ZNF385D: variants seen among roughly 807,000 people sequenced by gnomAD.
The protein encoded by ZNF385D is zinc finger protein 385D, also known as zinc finger protein 659.
ZNF385D carries 15 observed loss-of-function variants against 35.8 expected under a neutral mutation model. The observed-to-expected ratio is 0.42, with a 90% CI of 0.28 to 0.64. The LOEUF (loss-of-function observed/expected upper bound fraction) is 0.64. ZNF385D is among the 30% of genes least tolerant of loss of function. The pLI is 0.23. For missense variants in ZNF385D, 474 were observed against 494.6 expected (o/e 0.96, Z 0.39); for synonymous variants, 212 against 186.8 (o/e 1.13, Z -1.10).
intron 3 of ZNF385D, among the ~76,000 whole-genome samples, chr3:21,757,593 G>A (rs1259077880): frequency 6.6e-6 from 1 of 152,134 alleles, no homozygotes; most frequent in Non-Finnish European, 1.5e-5. Context: ...AAAAATAGTT[G>A]TTGAGTACTC....
At chr3:21,896,570 T>C (rs1203801434) in intron 3 of ZNF385D, among the ~76,000 whole-genome samples, 1 of 152,130 alleles carries the variant, frequency 6.6e-6, no homozygotes, top group African/African-American at 2.4e-5. Flanking sequence ...GGGCAGCACG[T>C]CCCTCGAACC....
At chr3:21,954,579 T>C (rs1684495) in intron 3 of ZNF385D, among the ~76,000 whole-genome samples, 48,131 of 151,886 alleles carry the variant, frequency 0.32, 8,763 homozygotes, top group African/African-American at 0.46. Flanking sequence ...GTTTGTTAAT[T>C]AGTTAGGTGT....
At chr3:21,586,457 A>T (rs1423447310) in intron 2 of ZNF385D, among the ~76,000 whole-genome samples, 1 of 152,222 alleles carries the variant, frequency 6.6e-6, no homozygotes, top group African/African-American at 2.4e-5. Flanking sequence ...TTAGACTCCT[A>T]TGCTGTATGT....
At chr3:21,963,403 AGTT>A (rs1354460563) in intron 3 of ZNF385D, among the ~76,000 whole-genome samples, 1 of 152,192 alleles carries the variant, frequency 6.6e-6, no homozygotes, top group Non-Finnish European at 1.5e-5. Context: ...GCAGAAATGT[AGTT>A]AAGGATAGGG....
At position 22,093,697 on chromosome 3, in the gene ZNF385D, GTTACTACTTTTA is replaced by G. The variant is rs1352459642; in HGVS notation, c.325+75108_325+75119del. On this transcript the variant is annotated intron_variant, in intron 3 of 5. Transcript: ENST00000494108. ...CCTAATTTTTATTTCTGCTACTCAT[GTTACTACTTTTA>G]TTATTTTTATTTTTTCAGGGATTAA... Among the ~76,000 whole-genome samples the G allele has an allele frequency of 2.0e-5, 3 of 151,912 alleles. No individual in the cohort carries two copies. The East Asian group carries it at 5.8e-4, about 29-fold the overall frequency.
intron 3 of ZNF385D, among the ~76,000 whole-genome samples, chr3:21,780,524 C>A (rs2071448700): frequency 6.6e-6 from 1 of 151,978 alleles, no homozygotes; most frequent in African/African-American, 2.4e-5. Flanking sequence ...AATATGAATA[C>A]ATTTTCTTTC....
intron 4 of ZNF385D, among the ~76,000 whole-genome samples, chr3:21,502,110 G>T (rs1025010766): frequency 2.0e-5 from 3 of 152,154 alleles, no homozygotes; most frequent in African/African-American, 7.2e-5. Context: ...ATGCAGGGGT[G>T]GGGGTGCTTT....
chr3:22,240,029 A>G lies in ZNF385D; in HGVS notation c.107-70994T>C, dbSNP rs114851170. 5.0e-3 allele frequency among the ~76,000 whole-genome samples: 744 copies of G among 149,940 alleles called. 42 individuals carry two copies. The highest frequency in any genetic ancestry group is 0.017 in the African/African-American group (696 of 40,330). The stretch of plus-strand genomic sequence containing the variant: ...CAGTCTCTACAAAAAAAAAAATACA[A>G]AATATTACCCAGGTATGGTGGCACA... On this transcript the variant is annotated intron_variant, in intron 2 of 5. Transcript: ENST00000494108.
At chr3:21,975,018 A>C (rs562696761) in intron 3 of ZNF385D, among the ~76,000 whole-genome samples, 1 of 152,324 alleles carries the variant, frequency 6.6e-6, no homozygotes, top group East Asian at 1.9e-4. Flanking sequence ...CAGTTCCTCA[A>C]AAACACTAAA....
At chr3:21,983,060 TTG>T in intron 3 of ZNF385D, among the ~76,000 whole-genome samples, 1 of 152,066 alleles carries the variant, frequency 6.6e-6, no homozygotes, top group East Asian at 1.9e-4. Flanking sequence ...TCTTTTTTTG[TTG>T]TGTCTTTGCC....
At position 21,417,854 on chromosome 3, in the gene ZNF385D, A is replaced by G. The variant is rs998365041; in HGVS notation, c.*3360T>C. On this transcript the variant is annotated 3_prime_UTR_variant, in exon 8 of 8. Coordinates refer to ENST00000281523, the MANE Select transcript of ZNF385D (RefSeq NM_024697.3). Reference sequence around the variant, plus strand: ...TCATCTCTGATGATAATGGCAGTGAATTACTGCGATAGATCAGGAGAAGCC... The same window carrying G: ...TCATCTCTGATGATAATGGCAGTGAGTTACTGCGATAGATCAGGAGAAGCC... 3 of 152,162 alleles carry G rather than the reference A, an allele frequency of 2.0e-5. No homozygotes were observed. Among genetic ancestry groups the G allele is most frequent in the South Asian group, 2.1e-4 (1 of 4,834 alleles). 9.4% of individuals were successfully genotyped at this position (152,162 alleles called of 1,614,324 possible).
intron 3 of ZNF385D, among the ~76,000 whole-genome samples, chr3:21,940,422 A>C (rs570622481): frequency 6.6e-6 from 1 of 152,378 alleles, no homozygotes; most frequent in African/African-American, 2.4e-5. Context: ...TGTGAAGATT[A>C]GGAAATACAT....
At chr3:22,059,057 G>T (rs746116445) in intron 3 of ZNF385D, among the ~76,000 whole-genome samples, 2 of 152,202 alleles carry the variant, frequency 1.3e-5, no homozygotes, top group Admixed American at 1.3e-4. Context: ...AGGACACATT[G>T]TTTGGGGCGG....
chr3:22,027,058 G>A (rs1016445133), intron 3 of ZNF385D, among the ~76,000 whole-genome samples: 1 of 152,138 alleles, frequency 6.6e-6, no homozygotes, highest in African/African-American at 2.4e-5. Flanking sequence ...CTGTCCATAA[G>A]GCCCACCCAA....
At chr3:22,240,201 A>AAAAG (rs374166678) in intron 2 of ZNF385D, among the ~76,000 whole-genome samples, 2,876 of 120,972 alleles carry the variant, frequency 0.024, 367 homozygotes, top group African/African-American at 0.07. Flanking sequence ...AAAAAAAAAA[A>AAAAG]AAGATTTCAG....
chr3:21,470,121 A>G (rs1323235064), intron 4 of ZNF385D, among the ~76,000 whole-genome samples: 1 of 152,222 alleles, frequency 6.6e-6, no homozygotes, highest in Non-Finnish European at 1.5e-5. Context: ...ACTTCATTGA[A>G]TAATTATGGT....
At chr3:21,725,419 AATAG>A (rs766885385) in intron 1 of ZNF385D, among the ~76,000 whole-genome samples, 2 of 152,190 alleles carry the variant, frequency 1.3e-5, no homozygotes, top group African/African-American at 4.8e-5. Flanking sequence ...AGATCAACAA[AATAG>A]ATAGACCGCT....
intron 3 of ZNF385D, among the ~76,000 whole-genome samples, chr3:21,804,421 A>G (rs2125692266): frequency 6.6e-6 from 1 of 152,328 alleles, no homozygotes; most frequent in African/African-American, 2.4e-5. Flanking sequence ...TAATCACGTG[A>G]AAAATTGAGT....
At chr3:21,705,276 G>A (rs544508757) in intron 1 of ZNF385D, among the ~76,000 whole-genome samples, 3 of 152,108 alleles carry the variant, frequency 2.0e-5, no homozygotes, top group African/African-American at 7.2e-5. Context: ...CATAAAAGAA[G>A]GCACACTTAG....
Sources: gnomAD v4.1 joint callset for allele counts (sites outside exome capture counted in the v4.1 genomes callset) on GRCh38, gnomAD v4.1.1 for gene constraint, MANE v1.5 for transcripts, NCBI Gene and HGNC (gene_info 2026-07-23, HGNC 2026-07-21) for gene names.